PTPRM: variants seen among roughly 807,000 people sequenced by gnomAD.
The protein encoded by PTPRM is receptor-type tyrosine-protein phosphatase mu.
PTPRM carries 47 observed loss-of-function variants against 186.7 expected under a neutral mutation model. The observed-to-expected ratio is 0.25, with a 90% CI of 0.20 to 0.32. PTPRM has a LOEUF of 0.32. PTPRM is among the 10% of genes least tolerant of loss of function. PTPRM has a pLI of 1.00. For synonymous variants in PTPRM, 668 were observed against 674.9 expected (o/e 0.99, Z 0.16); for missense variants, 1,494 against 1,865.0 (o/e 0.80, Z 3.66).
intron 22 of PTPRM, among the ~76,000 whole-genome samples, chr18:8,341,889 C>T (rs1010950579): frequency 6.6e-6 from 1 of 152,188 alleles, no homozygotes; most frequent in Non-Finnish European, 1.5e-5. Context: ...AATCTTCAGC[C>T]TCTACATCAG....
At chr18:7,833,145 G>T (rs2377575) in intron 2 of PTPRM, among the ~76,000 whole-genome samples, 103,769 of 151,954 alleles carry the variant, frequency 0.68, 36,227 homozygotes, top group East Asian at 0.96. Context: ...TTTTTTTGTT[G>T]CTGTGAACAA....
intron 11 of PTPRM, among the ~76,000 whole-genome samples, chr18:8,101,896 C>G (rs564794549): frequency 6.6e-6 from 1 of 152,300 alleles, no homozygotes; most frequent in Admixed American, 6.5e-5. Context: ...GTGGACTATT[C>G]TGCAAATTAA....
chr18:7,763,451 C>G (rs1568094660), intron 1 of PTPRM, among the ~76,000 whole-genome samples: 1 of 152,124 alleles, frequency 6.6e-6, no homozygotes, highest in African/African-American at 2.4e-5. Flanking sequence ...GTAAGTTGAG[C>G]ATACCTTTGA....
At position 7,903,963 on chromosome 18, in the gene PTPRM, A is replaced by G. The variant is rs998409963; in HGVS notation, c.469-2542A>G. Among the ~76,000 whole-genome samples the G allele has an allele frequency of 9.2e-5, 14 of 152,366 alleles. 1 individual carries two copies. Among genetic ancestry groups the G allele is most frequent in the Admixed American group, 7.2e-4 (11 of 15,306 alleles). Reference sequence around the variant, plus strand: ...CAGAAAAATTGAGTTTAAAGATTGCATCTACGATAGACTCGTTGCATTTAT... The same window carrying G: ...CAGAAAAATTGAGTTTAAAGATTGCGTCTACGATAGACTCGTTGCATTTAT... On this transcript the variant is annotated intron_variant, in intron 3 of 32. Coordinates refer to ENST00000580170, the MANE Select transcript of PTPRM (RefSeq NM_001105244.2).
intron 1 of PTPRM, among the ~76,000 whole-genome samples, chr18:7,637,624 T>G (rs188537990): frequency 6.6e-6 from 1 of 152,340 alleles, no homozygotes; most frequent in African/African-American, 2.4e-5. Flanking sequence ...CTTTCTTCTA[T>G]TCTATGAACG....
At chr18:8,380,029 TA>T (rs1277042171) in intron 28 of PTPRM, among the ~76,000 whole-genome samples, 1 of 152,262 alleles carries the variant, frequency 6.6e-6, no homozygotes, top group East Asian at 1.9e-4. Context: ...ATAGATTCGA[TA>T]TTGCCTCTCT....
intron 4 of PTPRM, among the ~76,000 whole-genome samples, chr18:7,906,873 T>C (rs545051762): frequency 1.3e-5 from 2 of 152,346 alleles, no homozygotes; most frequent in East Asian, 3.9e-4. Flanking sequence ...CCGTGGTCTT[T>C]AGAATTCGCT....
chr18:8,063,486 A>G (rs2088793175), intron 7 of PTPRM, among the ~76,000 whole-genome samples: 1 of 152,066 alleles, frequency 6.6e-6, no homozygotes, highest in Non-Finnish European at 1.5e-5. Context: ...TTCTAACCTT[A>G]TTTTTGTACA....
At chr18:8,056,249 A>G (rs2087925482) in intron 7 of PTPRM, among the ~76,000 whole-genome samples, 1 of 152,222 alleles carries the variant, frequency 6.6e-6, no homozygotes, top group Admixed American at 6.5e-5. Flanking sequence ...TGTCAAATAC[A>G]GTTGCTATAG....
chr18:7,929,000 T>C (rs1235147217), intron 5 of PTPRM, among the ~76,000 whole-genome samples: 1 of 152,208 alleles, frequency 6.6e-6, no homozygotes, highest in African/African-American at 2.4e-5. Context: ...GACTCTACTA[T>C]AGAACAACTT....
chr18:7,771,391 C>T (rs1368817379), intron 1 of PTPRM, among the ~76,000 whole-genome samples: 1 of 152,180 alleles, frequency 6.6e-6, no homozygotes, highest in Non-Finnish European at 1.5e-5. Context: ...AGAGACAATA[C>T]TTCTCGTAAA....
intron 3 of PTPRM, among the ~76,000 whole-genome samples, chr18:7,902,548 A>G (rs1052255680): frequency 6.6e-6 from 1 of 152,104 alleles, no homozygotes; most frequent in Non-Finnish European, 1.5e-5. Flanking sequence ...TCCCATTGCT[A>G]TGAGCTGTGT....
At chr18:7,842,943 T>TAG (rs1483845377) in intron 2 of PTPRM, among the ~76,000 whole-genome samples, 1 of 119,822 alleles carries the variant, frequency 8.3e-6, no homozygotes, top group African/African-American at 3.8e-5. Flanking sequence ...TATATATATA[T>TAG]ATATAGAGAG....
chr18:8,203,528 A>T (rs2093886667), intron 14 of PTPRM, among the ~76,000 whole-genome samples: 1 of 152,196 alleles, frequency 6.6e-6, no homozygotes, highest in Non-Finnish European at 1.5e-5. Context: ...CATTGGGAAA[A>T]TTTGGAAGAT....
intron 22 of PTPRM, among the ~76,000 whole-genome samples, chr18:8,327,892 T>C (rs4798629): frequency 0.86 from 131,041 of 152,162 alleles, 57,053 homozygotes; most frequent in Middle Eastern, 0.93. Flanking sequence ...GTAGTTATAA[T>C]TTGTCCATAA....
chr18:7,960,250 T>TA (rs1366638466), intron 7 of PTPRM, among the ~76,000 whole-genome samples: 3 of 152,034 alleles, frequency 2.0e-5, no homozygotes, highest in Non-Finnish European at 2.9e-5. Context: ...AAAGCTTAAT[T>TA]AAAATGTGTC....
intron 7 of PTPRM, among the ~76,000 whole-genome samples, chr18:7,990,409 A>T (rs565497334): frequency 6.6e-6 from 1 of 152,268 alleles, no homozygotes; most frequent in Non-Finnish European, 1.5e-5. Context: ...ATAAGAAGAG[A>T]CTATGTTGAC....
At chr18:8,314,580 C>T (rs1052242172) in intron 20 of PTPRM, among the ~76,000 whole-genome samples, 8 of 152,310 alleles carry the variant, frequency 5.3e-5, no homozygotes, top group Middle Eastern at 6.8e-3. Context: ...ATGAGATTTA[C>T]TGTAAAATGT....
chr18:7,935,246 G>A (rs992455535), intron 5 of PTPRM, among the ~76,000 whole-genome samples: 2 of 152,000 alleles, frequency 1.3e-5, no homozygotes, highest in African/African-American at 2.4e-5. Context: ...TAGTTGCTAT[G>A]GGAACCATTT....
Sources: gnomAD v4.1 joint callset for allele counts (sites outside exome capture counted in the v4.1 genomes callset) on GRCh38, gnomAD v4.1.1 for gene constraint, MANE v1.5 for transcripts, NCBI Gene and HGNC (gene_info 2026-07-23, HGNC 2026-07-21) for gene names.